SLC44A3: variants seen among roughly 807,000 people sequenced by gnomAD.
The protein encoded by SLC44A3 is choline transporter-like protein 3.
Under a neutral mutation model 75.4 loss-of-function variants are expected in SLC44A3, and 74 were observed. That is an observed-to-expected ratio of 0.98 (90% confidence interval 0.81 to 1.19). The LOEUF (loss-of-function observed/expected upper bound fraction) is 1.19, where lower values mean the gene tolerates loss of function less well. SLC44A3 is among the 50% of genes most tolerant of loss of function. The pLI is 0.00. For synonymous variants in SLC44A3, 310 were observed against 296.9 expected, an observed-to-expected ratio of 1.04 and a Z score of -0.45; for missense variants, 700 against 778.6, an observed-to-expected ratio of 0.90 and a Z score of 1.20.
At chr1:94,841,345 G>A (rs941548744) in intron 7 of SLC44A3, among the ~76,000 whole-genome samples, 2 of 152,118 alleles carry the variant, frequency 1.3e-5, no homozygotes, top group Non-Finnish European at 1.5e-5. Context: ...TTTCCCCTGA[G>A]TCATCAGCTC....
intron 10 of SLC44A3, among the ~76,000 whole-genome samples, chr1:94,860,379 G>A (rs1467393449): frequency 6.6e-6 from 1 of 152,108 alleles, no homozygotes; most frequent in African/African-American, 2.4e-5. Context: ...AGAGAGAAAG[G>A]ATTAAAAGAG....
intron 9 of SLC44A3, among the ~76,000 whole-genome samples, chr1:94,853,675 C>T (rs1665497593): frequency 6.6e-6 from 1 of 152,106 alleles, no homozygotes; most frequent in South Asian, 2.1e-4. Flanking sequence ...CAGAGGTTTT[C>T]TGATTGCATC....
At chr1:94,873,299 T>TC (rs1412503069) in intron 12 of SLC44A3, among the ~76,000 whole-genome samples, 1 of 152,178 alleles carries the variant, frequency 6.6e-6, no homozygotes, top group Non-Finnish European at 1.5e-5. Context: ...CAGCTTACTT[T>TC]CCTTTGTCAT....
Position 94,824,490 on chromosome 1 carries a change from C to T in SLC44A3, c.136-3C>T. 1.9e-6 allele frequency: 3 copies of T among 1,591,362 alleles called. No individual in the cohort carries two copies. The highest frequency in any genetic ancestry group is 2.6e-6 in the Non-Finnish European group (3 of 1,172,238). ...GGCTCTCATATGCCCCCGTTTTTGC[C>T]AGGTGTTTATCATGGGCTACTCGGT... On this transcript the variant is annotated splice_polypyrimidine_tract_variant and splice_region_variant and intron_variant, in intron 2 of 14. Transcript: ENST00000271227.
At position 94,864,753 on chromosome 1, in the gene SLC44A3, G is replaced by T; in HGVS notation, c.1249G>T (p.Asp417Tyr). 1 of 1,611,560 alleles carries T rather than the reference G, an allele frequency of 6.2e-7. No individual in the cohort carries two copies. The highest frequency in any genetic ancestry group is 8.5e-7 in the Non-Finnish European group (1 of 1,179,016). Reference protein sequence around the residue: ...VTCYFNRSKNDPPDHPILSSL... With the variant: ...VTCYFNRSKNYPPDHPILSSL... ...TTTCCCTATTTCCAGAAGTAAAAATGATCCTCCTGATCATCCCATCCTTTC... is the reference window on the plus strand; with the variant it reads ...TTTCCCTATTTCCAGAAGTAAAAATTATCCTCCTGATCATCCCATCCTTTC... The change falls in exon 11 of 15, where the codon GAT (aspartate) becomes TAT (tyrosine). Residue 417 changes from aspartate (D) to tyrosine (Y), a missense_variant. By Grantham distance (160) the Asp-to-Tyr change is radical. Transcript: ENST00000271227.
chr1:94,834,888 GA>G (rs1164646016), intron 5 of SLC44A3, among the ~76,000 whole-genome samples: 2 of 152,136 alleles, frequency 1.3e-5, no homozygotes, highest in Admixed American at 1.3e-4. Flanking sequence ...AGGGAAAAGA[GA>G]AAAATAACAA....
chr1:94,837,663 A>G, intron 5 of SLC44A3, 48 bp from the exon 6 acceptor site: 1 of 1,516,950 alleles, frequency 6.6e-7, no homozygotes, highest in Non-Finnish European at 8.8e-7. Flanking sequence ...TCTTTTAAAG[A>G]TAAATGTTAA....
chr1:94,893,738 G>A (rs554807462), intron 14 of SLC44A3, among the ~76,000 whole-genome samples: 2 of 152,130 alleles, frequency 1.3e-5, no homozygotes, highest in Non-Finnish European at 2.9e-5. Context: ...TAAGGAAAGT[G>A]CTTATGATGG....
chr1:94,821,944 G>A (rs540200688), intron 2 of SLC44A3, among the ~76,000 whole-genome samples: 75 of 152,314 alleles, frequency 4.9e-4, no homozygotes, highest in African/African-American at 1.8e-3. Context: ...CAGGCACAGT[G>A]GAAGGTTAGG....
intron 7 of SLC44A3, among the ~76,000 whole-genome samples, chr1:94,841,523 T>C (rs1663641219): frequency 1.3e-5 from 2 of 152,176 alleles, no homozygotes; most frequent in Admixed American, 1.3e-4. Context: ...CAGGGCATCT[T>C]CCAAATGAGC....
intron 10 of SLC44A3, among the ~76,000 whole-genome samples, chr1:94,862,401 G>C (rs1045172438): frequency 6.6e-6 from 1 of 152,196 alleles, no homozygotes; most frequent in Non-Finnish European, 1.5e-5. Context: ...GATGCGGCTT[G>C]CCTGGCTGTA....
chr1:94,850,484 C>G (rs1209476924), intron 9 of SLC44A3, among the ~76,000 whole-genome samples: 4 of 152,142 alleles, frequency 2.6e-5, no homozygotes, highest in Non-Finnish European at 5.9e-5. Context: ...GAGGTCTGTG[C>G]TGCAGTTAGA....
intron 9 of SLC44A3, among the ~76,000 whole-genome samples, chr1:94,849,353 C>A (rs559909741): frequency 6.6e-6 from 1 of 152,132 alleles, no homozygotes; most frequent in African/African-American, 2.4e-5. Flanking sequence ...CACCACCCCC[C>A]TTCCCCACCC....
At chr1:94,822,364 T>A (rs753789872) in intron 2 of SLC44A3, among the ~76,000 whole-genome samples, 1 of 152,252 alleles carries the variant, frequency 6.6e-6, no homozygotes, top group Non-Finnish European at 1.5e-5. Context: ...TTTTAATATA[T>A]CCAAGTTCTC....
intron 4 of SLC44A3, 149 bp downstream of exon 4, chr1:94,827,792 T>C: frequency 2.1e-6 from 2 of 935,790 alleles, no homozygotes; most frequent in Non-Finnish European, 3.2e-6. Context: ...GAAAAGGCCG[T>C]AAGCATTTTC....
chr1:94,874,653 C>T (rs1214787573), intron 12 of SLC44A3, among the ~76,000 whole-genome samples: 3 of 152,200 alleles, frequency 2.0e-5, no homozygotes, highest in Non-Finnish European at 4.4e-5. Context: ...TGTGCGGCTC[C>T]CGAAGACAAG....
intron 3 of SLC44A3, chr1:94,825,865 G>A (rs1419433114): frequency 6.6e-6 from 3 of 456,260 alleles, no homozygotes; most frequent in East Asian, 6.9e-5. Context: ...AGGAGGAAGG[G>A]CGACTTAGAT....
chr1:94,821,100 C>T (rs1431025387), intron 2 of SLC44A3, 44 bp downstream of exon 2: 21 of 1,474,036 alleles, frequency 1.4e-5, no homozygotes, highest in East Asian at 7.4e-5. Flanking sequence ...AGTGTGTGTG[C>T]ACGTCTGGAA....
chr1:94,828,492 G>C lies in SLC44A3; in HGVS notation c.416-1G>C, dbSNP rs763372073. On this transcript the variant is annotated splice_acceptor_variant, in intron 4 of 14. Transcript: ENST00000271227. LOFTEE classifies it high-confidence loss of function. ...ATAATGTCTGTGTGTTCTGCTTCCA[G>C]GGTCCTTCCTGTGTGTTTATAGTTT... 6.2e-6 allele frequency: 10 copies of C among 1,612,710 alleles called. No homozygotes were observed. The South Asian group carries it at 1.1e-4, about 18-fold the overall frequency.
Sources: allele counts gnomAD v4.1 joint callset (sites outside exome capture counted in the v4.1 genomes callset), GRCh38; gene constraint gnomAD v4.1.1; transcripts MANE v1.5; gene names NCBI Gene and HGNC (gene_info 2026-07-23, HGNC 2026-07-21).